ENTPD4: variants seen among roughly 807,000 people sequenced by gnomAD.
The protein encoded by ENTPD4 is Golgi UDPase.
In ENTPD4, 60 loss-of-function variants were observed where a neutral mutation model predicts 79.1. The ratio of observed to expected loss-of-function variants is 0.76; its 90% CI spans 0.62 to 0.94. ENTPD4 has a LOEUF of 0.94. Among genes scored for constraint, ENTPD4 ranks in the 40% least tolerant of loss-of-function variants. The pLI is 0.00. For missense variants in ENTPD4, 772 were observed against 775.1 expected, an observed-to-expected ratio of 1.00 and a Z score of 0.05; for synonymous variants, 276 against 292.0, an observed-to-expected ratio of 0.95 and a Z score of 0.56.
intron 8 of ENTPD4, 38 bp from the exon 9 acceptor site, chr8:23,439,953 C>A: frequency 6.4e-7 from 1 of 1,558,368 alleles, no homozygotes; most frequent in East Asian, 2.3e-5. Flanking sequence ...ATAGCTTAAG[C>A]TACTTTAGCC....
chr8:23,435,760 G>A (rs1800546314), intron 10 of ENTPD4, among the ~76,000 whole-genome samples: 1 of 152,132 alleles, frequency 6.6e-6, no homozygotes, highest in Non-Finnish European at 1.5e-5. Flanking sequence ...CTCCCTCCAT[G>A]ACTGCATGGT....
At position 23,447,799 on chromosome 8, in the gene ENTPD4, C is replaced by A. The variant is rs758252440; in HGVS notation, c.293G>T (p.Ser98Ile). 8.7e-6 allele frequency: 14 copies of A among 1,614,098 alleles called. No individual in the cohort carries two copies. In the South Asian group the frequency reaches 1.5e-4, roughly 18 times the overall value. Reference sequence around the variant, plus strand: ...GCAGTAAACAAATACTCGAGACCCACTGCTACCACAGTCCACCACGATCCC... The same window carrying A: ...GCAGTAAACAAATACTCGAGACCCAATGCTACCACAGTCCACCACGATCCC... Reference protein sequence around the residue: ...NYGIVVDCGSSGSRVFVYCWP... With the variant: ...NYGIVVDCGSIGSRVFVYCWP... Residue 98 changes from serine to isoleucine, a missense_variant, in exon 4 of 13, where the codon AGT becomes ATT. By Grantham distance (142) the Ser-to-Ile change is moderately radical. Transcript: ENST00000358689.
Position 23,448,745 on chromosome 8 carries a change from T to C in ENTPD4, c.203A>G (p.Gln68Arg). 6.2e-7 allele frequency: 1 copy of C among 1,613,740 alleles called. No individual in the cohort carries two copies. The change falls in exon 3 of 13, where the codon CAA becomes CGA. Residue 68 changes from glutamine to arginine, a missense_variant. Coordinates refer to ENST00000358689, the MANE Select transcript of ENTPD4 (RefSeq NM_004901.5). ...YGRLTRDKKF[Q>R]RYLARVTDIE... ...AGCAAATGTTTTTATCTCTTACCTTTGAAATTTCTTGTCTCTGGTTAGTCG... is the reference window on the plus strand; with the variant it reads ...AGCAAATGTTTTTATCTCTTACCTTCGAAATTTCTTGTCTCTGGTTAGTCG...
intron 6 of ENTPD4, among the ~76,000 whole-genome samples, chr8:23,443,025 C>A (rs1256242235): frequency 6.6e-6 from 1 of 152,150 alleles, no homozygotes; most frequent in Non-Finnish European, 1.5e-5. Context: ...TGTCCTGAGT[C>A]AAGTCCTTTC....
At position 23,443,857 on chromosome 8, in the gene ENTPD4, T is replaced by C; in HGVS notation, c.660A>G (p.Lys220=). 1 of 1,609,886 alleles carries C rather than the reference T, an allele frequency of 6.2e-7. No individual in the cohort carries two copies. The highest frequency in any genetic ancestry group is 1.3e-5 in the African/African-American group (1 of 74,958). ...GAAGACCAATATACCAACCTTCTTG[T>C]TTCCCAGAAATTACTTCTGCATGAG... The part of the protein sequence containing the change: ...SDSHAEVISG[K]QEGVYAWIGI... Residue 220 remains lysine (K), a synonymous_variant, in exon 6 of 13, where the codon AAA becomes AAG. Transcript: ENST00000358689.
chr8:23,446,118 C>T (rs1800759636), intron 4 of ENTPD4, among the ~76,000 whole-genome samples: 3 of 152,192 alleles, frequency 2.0e-5, no homozygotes, highest in Non-Finnish European at 4.4e-5. Context: ...ACACGGAAGT[C>T]CATGCTTCAG....
chr8:23,441,642 A>G lies in ENTPD4; in HGVS notation c.809T>C (p.Leu270Pro). Residue 270 changes from leucine (L) to proline (P), a missense_variant, in exon 8 of 13, where the codon CTC (leucine) becomes CCC (proline). Physicochemically the swap from Leu to Pro is moderately conservative, Grantham distance 98. Transcript: ENST00000358689. ...CTGAGTCGACACGCCGCCCATGTCGAGAATGCCCGCTGTCCTTTTACGGAC... is the reference window on the plus strand; with the variant it reads ...CTGAGTCGACACGCCGCCCATGTCGGGAATGCCCGCTGTCCTTTTACGGAC... Reference protein sequence around the residue: ...AIVRKRTAGILDMGGVSTQIA... With the variant: ...AIVRKRTAGIPDMGGVSTQIA... 6.2e-7 allele frequency: 1 copy of G among 1,614,232 alleles called. No individual in the cohort carries two copies. The highest frequency in any genetic ancestry group is 1.1e-5 in the South Asian group (1 of 91,088).
intron 6 of ENTPD4, among the ~76,000 whole-genome samples, chr8:23,442,276 T>A (rs1800686212): frequency 6.6e-6 from 1 of 152,370 alleles, no homozygotes; most frequent in African/African-American, 2.4e-5. Context: ...TTATACCATC[T>A]ACACAGGTTG....
chr8:23,456,812 C>T (rs528450151), intron 1 of ENTPD4, among the ~76,000 whole-genome samples: 2 of 152,184 alleles, frequency 1.3e-5, no homozygotes, highest in Non-Finnish European at 2.9e-5. Context: ...GACTGCAATG[C>T]GAAATTAGCC....
At chr8:23,442,197 A>G in intron 6 of ENTPD4, 131 bp from the exon 7 acceptor site, 1 of 611,830 alleles carries the variant, frequency 1.6e-6, no homozygotes, top group South Asian at 2.1e-5. Flanking sequence ...CTGAAATAAC[A>G]CCTTGCTACT....
Position 23,435,376 on chromosome 8 carries a change from A to T in ENTPD4, c.1460+16T>A. On this transcript the variant is annotated intron_variant, in intron 11 of 12. Transcript: ENST00000358689. ...GGTTCTTAAGAGTGCCCTGGGCTTGACCTTCTAGTACTTACTTAAGCCTGT... is the reference window on the plus strand; with the variant it reads ...GGTTCTTAAGAGTGCCCTGGGCTTGTCCTTCTAGTACTTACTTAAGCCTGT... The T allele has an allele frequency of 6.3e-7, 1 of 1,598,374 alleles. No individual in the cohort carries two copies. The highest frequency in any genetic ancestry group is 8.6e-7 in the Non-Finnish European group (1 of 1,166,380).
intron 9 of ENTPD4, among the ~76,000 whole-genome samples, chr8:23,438,619 C>A (rs530366161): frequency 6.6e-6 from 1 of 152,078 alleles, no homozygotes; most frequent in Non-Finnish European, 1.5e-5. Flanking sequence ...GACATTAAAA[C>A]CAATGAGTAA....
At chr8:23,452,691 C>T (rs145589320) in intron 1 of ENTPD4, among the ~76,000 whole-genome samples, 95 of 152,314 alleles carry the variant, frequency 6.2e-4, no homozygotes, top group African/African-American at 2.1e-3. Context: ...ACCCCTCCTA[C>T]GTACCCTAGG....
chr8:23,435,291 T>C, intron 11 of ENTPD4, 101 bp downstream of exon 11: 1 of 728,710 alleles, frequency 1.4e-6, no homozygotes, highest in Non-Finnish European at 2.4e-6. Flanking sequence ...GAACAGTGAG[T>C]GAGAAGAAGC....
In ENTPD4 at chr8:23,432,848, C is replaced by A; in HGVS notation, c.*78G>T. 6.8e-7 allele frequency: 1 copy of A among 1,462,262 alleles called. No individual in the cohort carries two copies. The highest frequency in any genetic ancestry group is 2.5e-5 in the East Asian group (1 of 40,020). The allele number at this position is 1,462,262 out of a possible 1,614,324, so 90.6% of individuals were successfully genotyped here. A position where few individuals can be genotyped will look rare whatever the true frequency, so the allele number is the denominator to read the frequency against. On this transcript the variant is annotated 3_prime_UTR_variant, in exon 13 of 13. Transcript: ENST00000358689. The stretch of plus-strand genomic sequence containing the variant: ...CAAAAAAGGGAAAGAAAAAACAAAA[C>A]CACAGGAAAATAAAGAGGAGAAACC...
At chr8:23,447,995 C>T in intron 3 of ENTPD4, 110 bp from the exon 4 acceptor site, 1 of 795,390 alleles carries the variant, frequency 1.3e-6, no homozygotes. Context: ...TATGTAGCAG[C>T]ACCACTATAA....
intron 11 of ENTPD4, among the ~76,000 whole-genome samples, chr8:23,435,180 A>C (rs920745089): frequency 2.6e-5 from 4 of 152,216 alleles, no homozygotes; most frequent in Non-Finnish European, 5.9e-5. Context: ...GGGGAATTTC[A>C]GGGGTAAGAG....
intron 1 of ENTPD4, among the ~76,000 whole-genome samples, chr8:23,453,676 T>C (rs1800904143): frequency 6.6e-6 from 1 of 152,250 alleles, no homozygotes; most frequent in African/African-American, 2.4e-5. Context: ...TGAGTACTGC[T>C]GTGAGACTCT....
rs1800726026 is a variant in ENTPD4 at position 23,444,329 on chromosome 8, G to T, written c.563+127C>A. On this transcript the variant is annotated intron_variant, in intron 5 of 12. Coordinates refer to ENST00000358689, the MANE Select transcript of ENTPD4 (RefSeq NM_004901.5). ...TGGTACTGTTACAGACTTGAAGAAAGAATTTTGAATATTTTCCTTTCAATG... is the reference window on the plus strand; with the variant it reads ...TGGTACTGTTACAGACTTGAAGAAATAATTTTGAATATTTTCCTTTCAATG... 1.3e-4 allele frequency: 111 copies of T among 867,656 alleles called. 1 individual carries two copies. The South Asian group carries it at 1.8e-3, about 14-fold the overall frequency. 53.7% of individuals were successfully genotyped at this position (867,656 alleles called of 1,614,324 possible).
Sources: allele counts gnomAD v4.1 joint callset (sites outside exome capture counted in the v4.1 genomes callset), GRCh38; gene constraint gnomAD v4.1.1; transcripts MANE v1.5; gene names NCBI Gene and HGNC (gene_info 2026-07-23, HGNC 2026-07-21).